PTPRT: variants seen among roughly 807,000 people sequenced by gnomAD.
The protein encoded by PTPRT is protein tyrosine phosphatase receptor type T, also known as receptor-type tyrosine-protein phosphatase T.
A neutral mutation model predicts 176.8 loss-of-function variants in PTPRT; 56 were observed. The observed-to-expected ratio is 0.32, with a 90% CI of 0.26 to 0.40. The LOEUF (loss-of-function observed/expected upper bound fraction) is 0.40, where lower values mean the gene tolerates loss of function less well. Ranked by LOEUF, PTPRT falls within the 10% of genes least tolerant of loss-of-function variation. PTPRT has a pLI of 1.00. For missense variants in PTPRT, 1,540 were observed against 1,908.2 expected (o/e 0.81, Z 3.60); for synonymous variants, 783 against 739.0 (o/e 1.06, Z -0.96).
At chr20:42,877,684 T>C (rs372973425) in intron 2 of PTPRT, among the ~76,000 whole-genome samples, 25 of 152,296 alleles carry the variant, frequency 1.6e-4, no homozygotes, top group African/African-American at 6.0e-4. Flanking sequence ...TACAATGTTG[T>C]TCCTGCCTAC....
chr20:42,238,712 T>A (rs1466041862), intron 14 of PTPRT, among the ~76,000 whole-genome samples: 1 of 152,176 alleles, frequency 6.6e-6, no homozygotes, highest in Non-Finnish European at 1.5e-5. Context: ...GCAAGTAAGT[T>A]CTTCTTCTTC....
chr20:42,155,881 T>C (rs114400697), intron 17 of PTPRT, among the ~76,000 whole-genome samples: 1,608 of 152,282 alleles, frequency 0.011, 28 homozygotes, highest in African/African-American at 0.036. Flanking sequence ...AAAATGCAAA[T>C]CTACTTTAGA....
intron 3 of PTPRT, among the ~76,000 whole-genome samples, chr20:42,781,253 C>G (rs1164565499): frequency 6.6e-6 from 1 of 152,154 alleles, no homozygotes; most frequent in Non-Finnish European, 1.5e-5. Context: ...TTCCTTTGCA[C>G]CTTTATTTCA....
chr20:42,241,931 C>T (rs1027996216), intron 14 of PTPRT, among the ~76,000 whole-genome samples: 14 of 152,114 alleles, frequency 9.2e-5, no homozygotes, highest in Admixed American at 2.0e-4. Context: ...AGAGTGTGGA[C>T]TCCATTATCA....
chr20:43,085,346 C>T (rs976640512), intron 1 of PTPRT, among the ~76,000 whole-genome samples: 11 of 152,032 alleles, frequency 7.2e-5, no homozygotes, highest in Non-Finnish European at 1.6e-4. Context: ...CTAGTGATGA[C>T]AAAGCCACCC....
At chr20:42,133,659 A>G (rs1050556113) in intron 18 of PTPRT, among the ~76,000 whole-genome samples, 2 of 152,226 alleles carry the variant, frequency 1.3e-5, no homozygotes, top group African/African-American at 4.8e-5. Context: ...ACTGTACAAC[A>G]TAAAAAGCAA....
chr20:42,085,841 A>T lies in PTPRT; in HGVS notation c.3859T>A (p.Tyr1287Asn). The change falls in exon 28 of 31, where the codon TAC (tyrosine) becomes AAC (asparagine). Residue 1287 changes from tyrosine to asparagine, a missense_variant. Around this residue, in one of 11 missense-constraint regions of PTPRT, gnomAD observed 342 missense variants for 394.0 expected, o/e 0.87. Coordinates refer to ENST00000373187, the MANE Select transcript of PTPRT (RefSeq NM_007050.6). ...CACCCGGAGGTCTTCTCAGGCCAGT[A>T]CTGCATACAGAACTGAGATAAGGAA... ...EMDTAQFCMQ[Y>N]WPEKTSGCYG... 6.2e-7 allele frequency: 1 copy of T among 1,612,270 alleles called. No homozygotes were observed. The highest frequency in any genetic ancestry group is 8.5e-7 in the Non-Finnish European group (1 of 1,178,182).
chr20:42,853,785 C>A (rs2078515943), intron 2 of PTPRT, among the ~76,000 whole-genome samples: 1 of 152,204 alleles, frequency 6.6e-6, no homozygotes, highest in Non-Finnish European at 1.5e-5. Flanking sequence ...TTAACCATCA[C>A]AACCTTGTAT....
At chr20:42,372,237 C>T (rs924626980) in intron 9 of PTPRT, among the ~76,000 whole-genome samples, 6 of 149,820 alleles carry the variant, frequency 4.0e-5, no homozygotes, top group Non-Finnish European at 7.4e-5. Context: ...GGGTTCTGGA[C>T]TGGAGAGTGA....
intron 1 of PTPRT, among the ~76,000 whole-genome samples, chr20:43,028,140 A>C (rs1985990161): frequency 6.6e-6 from 1 of 152,180 alleles, no homozygotes; most frequent in Non-Finnish European, 1.5e-5. Flanking sequence ...ACTTGTTCTT[A>C]TACCACCCAT....
intron 2 of PTPRT, among the ~76,000 whole-genome samples, chr20:42,814,538 A>AT (rs1440382374): frequency 1.3e-5 from 2 of 152,230 alleles, no homozygotes; most frequent in African/African-American, 4.8e-5. Flanking sequence ...ACTCTGCAGT[A>AT]ATGAACTTAG....
At chr20:42,302,197 A>G (rs1332920606) in intron 12 of PTPRT, among the ~76,000 whole-genome samples, 1 of 152,216 alleles carries the variant, frequency 6.6e-6, no homozygotes, top group East Asian at 1.9e-4. Flanking sequence ...ATATATATGC[A>G]TGACTTTATG....
chr20:42,750,359 GTATGT>G (rs1261334496), intron 6 of PTPRT, among the ~76,000 whole-genome samples: 1 of 151,908 alleles, frequency 6.6e-6, no homozygotes, highest in African/African-American at 2.4e-5. Flanking sequence ...TATATTATAT[GTATGT>G]TATATTTTCT....
intron 6 of PTPRT, among the ~76,000 whole-genome samples, chr20:42,735,323 C>T (rs997044204): frequency 6.6e-6 from 1 of 151,988 alleles, no homozygotes; most frequent in Non-Finnish European, 1.5e-5. Context: ...CAGGCTTGAC[C>T]CCTGAGCTGT....
At chr20:42,688,055 T>C (rs1297289678) in intron 6 of PTPRT, 1 of 152,208 alleles carries the variant, frequency 6.6e-6, no homozygotes, top group East Asian at 1.9e-4. Flanking sequence ...ACATCAGTTA[T>C]GTAATTCTGG....
At chr20:42,773,387 T>C (rs1444730514) in intron 4 of PTPRT, among the ~76,000 whole-genome samples, 1 of 152,124 alleles carries the variant, frequency 6.6e-6, no homozygotes, top group Non-Finnish European at 1.5e-5. Flanking sequence ...CTGACACTGT[T>C]TGTAGGACTT....
At chr20:42,480,521 T>C (rs1277176702) in intron 7 of PTPRT, among the ~76,000 whole-genome samples, 1 of 152,186 alleles carries the variant, frequency 6.6e-6, no homozygotes, top group Non-Finnish European at 1.5e-5. Flanking sequence ...TACATACATA[T>C]CCTGAACCTC....
chr20:42,128,808 C>T lies in PTPRT; in HGVS notation c.2793G>A (p.Leu931=). ...AGTGCGGGTCTCCATCCAGCACCAG[C>T]AGCCTCACCCGGGAATGGTCGTCTG... ...IISYDHSRVR[L]LVLDGDPHSD... is the part of the protein sequence containing the mutation. The change falls in exon 19 of 31, where the codon CTG becomes CTA. Residue 931 remains leucine, a synonymous_variant. Transcript: ENST00000373187. 1 of 1,606,824 alleles carries T rather than the reference C, an allele frequency of 6.2e-7. No homozygotes were observed. Among genetic ancestry groups the T allele is most frequent in the Admixed American group, 1.7e-5 (1 of 59,456 alleles).
At chr20:42,359,878 A>C (rs1230501374) in intron 9 of PTPRT, among the ~76,000 whole-genome samples, 1 of 152,208 alleles carries the variant, frequency 6.6e-6, no homozygotes, top group Non-Finnish European at 1.5e-5. Context: ...GCGGCCCTGC[A>C]GGGGCTTCCT....
Sources: allele counts gnomAD v4.1 joint callset (sites outside exome capture counted in the v4.1 genomes callset), GRCh38; gene constraint gnomAD v4.1.1; regional missense constraint gnomAD v4.1.1; transcripts MANE v1.5; gene names NCBI Gene and HGNC (gene_info 2026-07-23, HGNC 2026-07-21).